COL28A1: variants seen among roughly 807,000 people sequenced by gnomAD.
COL28A1 encodes the protein collagen alpha-1(XXVIII) chain.
COL28A1 carries 161 observed loss-of-function variants against 150.2 expected under a neutral mutation model. The observed-to-expected ratio is 1.07, with a 90% CI of 0.94 to 1.22. COL28A1 has a LOEUF of 1.22. Among genes scored for constraint, COL28A1 ranks in the 50% most tolerant of loss-of-function variants. The probability of loss-of-function intolerance (pLI) is 0.00; values close to 1 mark genes in which losing one functional copy is unlikely to be tolerated. For synonymous variants in COL28A1, 552 were observed against 469.7 expected, an observed-to-expected ratio of 1.18 and a Z score of -2.26; for missense variants, 1,617 against 1,388.3, an observed-to-expected ratio of 1.16 and a Z score of -2.62.
chr7:7,524,733 G>A (rs916705747), intron 3 of COL28A1, among the ~76,000 whole-genome samples: 1 of 152,056 alleles, frequency 6.6e-6, no homozygotes, highest in Admixed American at 6.5e-5. Context: ...AAATATTAAT[G>A]GGTGTTAGAT....
chr7:7,539,683 A>G (rs1175545174), upstream of COL28A1, among the ~76,000 whole-genome samples: 2 of 152,228 alleles, frequency 1.3e-5, no homozygotes, highest in African/African-American at 2.4e-5. Context: ...AATGTGGAAC[A>G]GCGTGACTTC....
At chr7:7,500,417 T>C (rs919347111) in intron 11 of COL28A1, among the ~76,000 whole-genome samples, 2 of 152,232 alleles carry the variant, frequency 1.3e-5, no homozygotes, top group Admixed American at 1.3e-4. Flanking sequence ...TCCTGACCCA[T>C]TGTTCCCAAA....
At position 7,452,458 on chromosome 7, in the gene COL28A1, C is replaced by A. The variant is rs1315008527; in HGVS notation, c.1441-71G>T. ...ATTCCTGCTGTTGATCTCCTAAAAC[C>A]TGTCTTATATCAACAAAGTAAAACA... On this transcript the variant is annotated intron_variant, in intron 17 of 34. Coordinates refer to ENST00000399429, the MANE Select transcript of COL28A1 (RefSeq NM_001037763.3). The A allele has an allele frequency of 2.0e-6, 3 of 1,533,256 alleles. No individual in the cohort carries two copies. In the African/African-American group the frequency reaches 4.2e-5, roughly 22 times the overall value. 95.0% of individuals were successfully genotyped at this position (1,533,256 alleles called of 1,614,324 possible).
chr7:7,490,173 G>A (rs556389114), intron 12 of COL28A1, among the ~76,000 whole-genome samples: 1 of 152,178 alleles, frequency 6.6e-6, no homozygotes, highest in East Asian at 1.9e-4. Flanking sequence ...TGCCAACATT[G>A]ACCTATTCAT....
intron 11 of COL28A1, among the ~76,000 whole-genome samples, chr7:7,500,928 C>A (rs541958382): frequency 6.6e-6 from 1 of 152,166 alleles, no homozygotes; most frequent in Non-Finnish European, 1.5e-5. Flanking sequence ...CTACCCTCAT[C>A]GCCCTCACTG....
In COL28A1 at chr7:7,535,769, A is replaced by G. The variant is rs1782608653; in HGVS notation, c.-57T>C. The stretch of plus-strand genomic sequence containing the variant: ...TCTTACCTTATAAAGTTTGTCAAAC[A>G]GGAATTAAAGACTAGTTGAGTAAAT... On this transcript the variant is annotated 5_prime_UTR_variant, in exon 1 of 35. Coordinates refer to ENST00000399429, the MANE Select transcript of COL28A1 (RefSeq NM_001037763.3). 1 of 152,238 alleles carries G rather than the reference A, an allele frequency of 6.6e-6. No individual in the cohort carries two copies. The highest frequency in any genetic ancestry group is 1.5e-5 in the Non-Finnish European group (1 of 68,034). 9.4% of individuals were successfully genotyped at this position (152,238 alleles called of 1,614,324 possible). A position where few individuals can be genotyped will look rare whatever the true frequency, so the allele number is the denominator to read the frequency against.
upstream of COL28A1, among the ~76,000 whole-genome samples, chr7:7,538,710 T>C (rs1213078430): frequency 6.6e-6 from 1 of 152,106 alleles, no homozygotes; most frequent in Non-Finnish European, 1.5e-5. Context: ...TTCAGAGAAT[T>C]GTATCTGCAT....
chr7:7,355,827 C>T (rs569774626), downstream of COL28A1, among the ~76,000 whole-genome samples: 2 of 152,182 alleles, frequency 1.3e-5, no homozygotes, highest in Non-Finnish European at 2.9e-5. Flanking sequence ...AGAAATCCTA[C>T]TTTTGGGGAA....
At chr7:7,389,113 GT>G (rs574896876) in intron 27 of COL28A1, among the ~76,000 whole-genome samples, 39 of 151,130 alleles carry the variant, frequency 2.6e-4, no homozygotes, top group Admixed American at 2.1e-3. Context: ...TTCTTCTAGG[GT>G]TTTTTTTTAA....
At chr7:7,431,663 C>T (rs578116286) in intron 25 of COL28A1, 1 of 470,414 alleles carries the variant, frequency 2.1e-6, no homozygotes, top group Non-Finnish European at 4.4e-6. Context: ...GAGAAGCCAC[C>T]AGGGTGTTTC....
chr7:7,366,351 G>C (rs1048527912), intron 33 of COL28A1, among the ~76,000 whole-genome samples: 1 of 152,120 alleles, frequency 6.6e-6, no homozygotes, highest in Admixed American at 6.5e-5. Context: ...AAAAACTACA[G>C]ACTTTGGAGT....
At chr7:7,465,605 A>C (rs1788025180) in intron 15 of COL28A1, among the ~76,000 whole-genome samples, 1 of 133,734 alleles carries the variant, frequency 7.5e-6, no homozygotes, top group Non-Finnish European at 1.6e-5. Context: ...AGCCCACTAC[A>C]GCTCAAGGAG....
At chr7:7,522,230 ATAGT>A (rs761250725) in intron 4 of COL28A1, 3 of 473,630 alleles carry the variant, frequency 6.3e-6, no homozygotes, top group Non-Finnish European at 1.2e-5. Flanking sequence ...AAATTTCAGC[ATAGT>A]TAAATAAAAG....
intron 33 of COL28A1, 104 bp downstream of exon 33, chr7:7,370,621 G>C: frequency 1.2e-6 from 1 of 836,390 alleles, no homozygotes; most frequent in Non-Finnish European, 1.8e-6. Context: ...AAAAATACAC[G>C]TGCCTCAGCT....
intron 15 of COL28A1, among the ~76,000 whole-genome samples, chr7:7,457,234 GC>G (rs1240717104): frequency 5.9e-5 from 9 of 152,130 alleles, no homozygotes; most frequent in Non-Finnish European, 1.3e-4. Flanking sequence ...GGTTTTTAAG[GC>G]CCCATCTGGA....
intron 27 of COL28A1, among the ~76,000 whole-genome samples, chr7:7,402,257 G>A (rs187568327): frequency 5.3e-5 from 8 of 152,240 alleles, no homozygotes; most frequent in Admixed American, 3.3e-4. Context: ...AGAACATTTC[G>A]CTTCTTCCCG....
At chr7:7,350,865 G>C in the COL28A1 span, among the ~76,000 whole-genome samples, 1 of 151,928 alleles carries the variant, frequency 6.6e-6, no homozygotes, top group African/African-American at 2.4e-5. Flanking sequence ...CATTCCATTA[G>C]CATTTACAAA....
chr7:7,452,813 G>C (rs1029591282), intron 17 of COL28A1, among the ~76,000 whole-genome samples: 10 of 152,182 alleles, frequency 6.6e-5, no homozygotes, highest in Admixed American at 5.9e-4. Flanking sequence ...CTCAAGAATA[G>C]TCAGAGTGGT....
intron 27 of COL28A1, among the ~76,000 whole-genome samples, chr7:7,383,284 GTGTGT>G (rs1554262220): frequency 8.6e-6 from 1 of 115,684 alleles, no homozygotes; most frequent in African/African-American, 4.3e-5. Flanking sequence ...GTGTGTGTGT[GTGTGT>G]TTTTTTTGAG....
Sources: gnomAD v4.1 joint callset for allele counts (sites outside exome capture counted in the v4.1 genomes callset) on GRCh38, gnomAD v4.1.1 for gene constraint, MANE v1.5 for transcripts, NCBI Gene and HGNC (gene_info 2026-07-23, HGNC 2026-07-21) for gene names.